Variants in SPEF2 observed in about 807,000 individuals in gnomAD.
SPEF2 encodes sperm flagellar and cilia associated 2.
Under a neutral mutation model 224.6 loss-of-function variants are expected in SPEF2, and 187 were observed. That is an observed-to-expected ratio of 0.83 (90% CI 0.74 to 0.94). The LOEUF (loss-of-function observed/expected upper bound fraction) is 0.94, where lower values mean the gene tolerates loss of function less well. SPEF2 is among the 40% of genes least tolerant of loss of function. SPEF2 has a pLI of 0.00. For synonymous variants in SPEF2, 715 were observed against 707.3 expected (o/e 1.01, Z -0.17); for missense variants, 2,170 against 2,135.6 (o/e 1.02, Z -0.32).
At chr5:35,645,850 T>C (rs1747294486) in intron 4 of SPEF2, among the ~76,000 whole-genome samples, 1 of 152,160 alleles carries the variant, frequency 6.6e-6, no homozygotes. Context: ...TGCAATTAAA[T>C]AAATATTCAT....
chr5:35,646,394 T>C (rs1300605338), intron 4 of SPEF2: 7 of 239,748 alleles, frequency 2.9e-5, no homozygotes, highest in African/African-American at 1.4e-4. Flanking sequence ...ATCTTTGTTG[T>C]CCTTTTAGTA....
intron 19 of SPEF2, chr5:35,710,674 C>T (rs1347862882): frequency 2.0e-6 from 2 of 985,322 alleles, no homozygotes; most frequent in Non-Finnish European, 1.2e-6. Context: ...TAAAGCTCCT[C>T]CTCAGCTTGC....
At chr5:35,693,689 A>G (rs1754861602) in intron 12 of SPEF2, among the ~76,000 whole-genome samples, 1 of 152,156 alleles carries the variant, frequency 6.6e-6, no homozygotes, top group Non-Finnish European at 1.5e-5. Flanking sequence ...TTGTAAGTCC[A>G]CTACTCTTTC....
intron 12 of SPEF2, among the ~76,000 whole-genome samples, chr5:35,693,070 T>C (rs1338357765): frequency 2.0e-5 from 3 of 151,934 alleles, no homozygotes; most frequent in African/African-American, 7.3e-5. Flanking sequence ...AGCCACTAGC[T>C]GGTAAGTGGG....
intron 30 of SPEF2, among the ~76,000 whole-genome samples, chr5:35,786,284 T>A (rs528543933): frequency 6.6e-6 from 1 of 152,328 alleles, no homozygotes; most frequent in East Asian, 1.9e-4. Context: ...ACAAGGAGAC[T>A]AATTTTAAAT....
At chr5:35,708,564 C>T (rs73084359) in intron 18 of SPEF2, among the ~76,000 whole-genome samples, 1 of 29,424 alleles carries the variant, frequency 3.4e-5, no homozygotes, top group Non-Finnish European at 9.8e-5. Context: ...ACCATCACCA[C>T]TACCACACCA....
rs1276251349 is a variant in SPEF2 at position 35,705,704 on chromosome 5, C to T, written c.2561C>T (p.Pro854Leu). ...WPLLEQWFSEPENILIKINAE... is the reference protein window; with the variant it reads ...WPLLEQWFSELENILIKINAE... ...TTATTGGAGCAATGGTTTTCAGAGC[C>T]AGAAAATATTTTGATAAAAATCAAT... The change falls in exon 18 of 37, where the codon CCA becomes CTA. Residue 854 changes from proline (P) to leucine (L), a missense_variant. Physicochemically the swap from Pro to Leu is moderately conservative, Grantham distance 98 (BLOSUM62 -3). Transcript: ENST00000356031. 3.1e-6 allele frequency: 5 copies of T among 1,589,374 alleles called. No individual in the cohort carries two copies. In the Admixed American group the frequency reaches 9.3e-5, roughly 30 times the overall value.
chr5:35,741,813 A>C (rs1231910248), intron 23 of SPEF2, among the ~76,000 whole-genome samples: 1 of 152,206 alleles, frequency 6.6e-6, no homozygotes, highest in Non-Finnish European at 1.5e-5. Flanking sequence ...TATAAACCCT[A>C]CAACTTTTTT....
At chr5:35,744,880 A>G (rs2149703543) in intron 23 of SPEF2, among the ~76,000 whole-genome samples, 1 of 152,306 alleles carries the variant, frequency 6.6e-6, no homozygotes, top group South Asian at 2.1e-4. Flanking sequence ...ATCAACTGCA[A>G]GAACAAACCA....
In SPEF2 at chr5:35,692,468, G is replaced by A. The variant is rs918725636; in HGVS notation, c.1745-102G>A. The A allele has an allele frequency of 1.0e-4, 83 of 797,212 alleles. No individual in the cohort carries two copies. In the African/African-American group the frequency reaches 1.2e-3, roughly 11 times the overall value. 49.4% of individuals were successfully genotyped at this position (797,212 alleles called of 1,614,324 possible). A position where few individuals can be genotyped will look rare whatever the true frequency, so the allele number is the denominator to read the frequency against. On this transcript the variant is annotated intron_variant, in intron 11 of 36. Transcript: ENST00000356031. Reference sequence around the variant, plus strand: ...ACTTGATCCAAAAGACTGTTCTAGCGGGCCTGAAAGACAGTGTTATAGGAC... The same window carrying A: ...ACTTGATCCAAAAGACTGTTCTAGCAGGCCTGAAAGACAGTGTTATAGGAC...
intron 13 of SPEF2, 44 bp from the exon 14 acceptor site, chr5:35,695,691 T>C (rs1580320288): frequency 1.3e-6 from 2 of 1,513,782 alleles, no homozygotes. Flanking sequence ...GGTTGTTAGG[T>C]GTAAATACCA....
At chr5:35,719,120 C>A (rs969370326) in intron 20 of SPEF2, among the ~76,000 whole-genome samples, 1 of 152,158 alleles carries the variant, frequency 6.6e-6, no homozygotes, top group African/African-American at 2.4e-5. Flanking sequence ...AGAGGATTTG[C>A]AGGATAATTG....
chr5:35,783,877 C>T (rs1203754823), intron 30 of SPEF2, among the ~76,000 whole-genome samples: 1 of 152,216 alleles, frequency 6.6e-6, no homozygotes, highest in Non-Finnish European at 1.5e-5. Context: ...CAATGTTCCT[C>T]TGTCTGCACT....
At chr5:35,743,165 C>T (rs1258987688) in intron 23 of SPEF2, among the ~76,000 whole-genome samples, 1 of 150,972 alleles carries the variant, frequency 6.6e-6, no homozygotes, top group Non-Finnish European at 1.5e-5. Flanking sequence ...TTTTTCTTCA[C>T]TTATTATTAG....
chr5:35,626,022 G>T (rs1174943869), intron 1 of SPEF2, among the ~76,000 whole-genome samples: 2 of 152,192 alleles, frequency 1.3e-5, no homozygotes, highest in South Asian at 2.1e-4. Context: ...TATTCAAATG[G>T]TGTTGCGTTA....
At chr5:35,695,909 C>T in intron 14 of SPEF2, 113 bp downstream of exon 14, 1 of 701,842 alleles carries the variant, frequency 1.4e-6, no homozygotes, top group Non-Finnish European at 2.3e-6. Context: ...TCTTTGGTTT[C>T]AAAGTTAATT....
rs528698051 is a variant in SPEF2 at position 35,771,166 on chromosome 5, A to G, written c.3802-443A>G. Among the ~76,000 whole-genome samples the G allele has an allele frequency of 1.7e-4, 26 of 152,302 alleles. No homozygotes were observed. The South Asian group carries it at 5.2e-3, about 30-fold the overall frequency. On this transcript the variant is annotated intron_variant, in intron 26 of 36. Transcript: ENST00000356031. The stretch of plus-strand genomic sequence containing the variant: ...ATGAATGCAAATAAAAAAATAAAAA[A>G]AAAACTCTGTAGGGGATCAGTTATC...
chr5:35,671,803 T>C (rs750503303), intron 10 of SPEF2, among the ~76,000 whole-genome samples: 7 of 151,924 alleles, frequency 4.6e-5, no homozygotes, highest in African/African-American at 1.4e-4. Context: ...TGTAAACTTT[T>C]GTTAGGAGTT....
chr5:35,631,069 A>C (rs1745039880), intron 2 of SPEF2, among the ~76,000 whole-genome samples: 1 of 152,228 alleles, frequency 6.6e-6, no homozygotes, highest in South Asian at 2.1e-4. Context: ...TGGGCAATTT[A>C]CAAAAGAAAG....
Sources: allele counts gnomAD v4.1 joint callset (sites outside exome capture counted in the v4.1 genomes callset), GRCh38; gene constraint gnomAD v4.1.1; transcripts MANE v1.5; gene names NCBI Gene and HGNC (gene_info 2026-07-23, HGNC 2026-07-21).